The following BMP7 variants were observed in gnomAD, a reference collection of about 807,000 sequenced individuals.
BMP7 encodes osteogenic protein 1.
A neutral mutation model predicts 41.2 loss-of-function variants in BMP7; 12 were observed. The observed-to-expected ratio is 0.29, with a 90% CI of 0.19 to 0.47. BMP7 has a LOEUF of 0.47. Among genes scored for constraint, BMP7 ranks in the 20% least tolerant of loss-of-function variants. BMP7 has a pLI of 0.99. For missense variants in BMP7, 467 were observed against 606.0 expected (o/e 0.77, Z 2.41); for synonymous variants, 248 against 250.0 (o/e 0.99, Z 0.07).
At chr20:57,183,670 G>A in intron 4 of BMP7, 52 bp downstream of exon 4, 1 of 1,609,768 alleles carries the variant, frequency 6.2e-7, no homozygotes, top group Non-Finnish European at 8.5e-7. Flanking sequence ...GTCCCGCCGG[G>A]GCCCTGCTGG....
chr20:57,210,375 G>C (rs966915666), intron 2 of BMP7, among the ~76,000 whole-genome samples: 1 of 152,180 alleles, frequency 6.6e-6, no homozygotes, highest in African/African-American at 2.4e-5. Context: ...CCTTCCCCTG[G>C]AAAGTTCTAC....
intron 2 of BMP7, among the ~76,000 whole-genome samples, chr20:57,212,821 C>G (rs1984926083): frequency 6.6e-6 from 1 of 152,192 alleles, no homozygotes; most frequent in Non-Finnish European, 1.5e-5. Context: ...GCAGCCAGCT[C>G]CCGGGTCCAA....
intron 1 of BMP7, among the ~76,000 whole-genome samples, chr20:57,240,278 A>G (rs2066063782): frequency 6.6e-6 from 1 of 152,224 alleles, no homozygotes; most frequent in African/African-American, 2.4e-5. Flanking sequence ...AGGGTGGGGA[A>G]AAAATGCCGT....
intron 1 of BMP7, among the ~76,000 whole-genome samples, chr20:57,263,021 T>G (rs756711408): frequency 3.9e-5 from 6 of 152,178 alleles, no homozygotes; most frequent in Admixed American, 1.3e-4. Flanking sequence ...ACAGGCCATT[T>G]ATTTGTGTGC....
chr20:57,264,567 G>A (rs1291229776), intron 1 of BMP7, among the ~76,000 whole-genome samples: 3 of 152,182 alleles, frequency 2.0e-5, no homozygotes, highest in Non-Finnish European at 1.5e-5. Flanking sequence ...TCGCGTCGCC[G>A]GGGTCGTCGC....
At chr20:57,225,665 G>T (rs2180780) in intron 2 of BMP7, among the ~76,000 whole-genome samples, 1 of 151,980 alleles carries the variant, frequency 6.6e-6, no homozygotes, top group Admixed American at 6.5e-5. Flanking sequence ...GTTCTAGGTT[G>T]AAAAACAAAA....
chr20:57,193,174 G>T (rs1024694210), intron 3 of BMP7, among the ~76,000 whole-genome samples: 3 of 152,154 alleles, frequency 2.0e-5, no homozygotes, highest in African/African-American at 7.2e-5. Context: ...AAGCACTAGC[G>T]CGTGTACAGA....
chr20:57,170,902 C>T lies in BMP7; in HGVS notation c.*57G>A, dbSNP rs945334320. 52 of 1,602,432 alleles carry T rather than the reference C, an allele frequency of 3.2e-5. No homozygotes were observed. The highest frequency in any genetic ancestry group is 1.9e-4 in the Middle Eastern group (1 of 5,162). ...TTGGTCTGCTGGTTCCTGGCCAAGG[C>T]GAGCAATGGAGGATCCAGAAAAACT... is the stretch of plus-strand genomic sequence containing the variant. On this transcript the variant is annotated 3_prime_UTR_variant, in exon 7 of 7. Coordinates refer to ENST00000395863, the MANE Select transcript of BMP7 (RefSeq NM_001719.3).
intron 1 of BMP7, among the ~76,000 whole-genome samples, chr20:57,253,006 C>T (rs2066120313): frequency 6.6e-6 from 1 of 152,146 alleles, no homozygotes; most frequent in Admixed American, 6.5e-5. Context: ...ACCAATAGTG[C>T]CCAGGCTGAG....
chr20:57,170,333 C>G lies in BMP7; in HGVS notation c.*626G>C. 1 of 162,114 alleles carries G rather than the reference C, an allele frequency of 6.2e-6. No homozygotes were observed. The allele number at this position is 162,114 out of a possible 1,614,324, so 10.0% of individuals were successfully genotyped here. A position where few individuals can be genotyped will look rare whatever the true frequency, so the allele number is the denominator to read the frequency against. ...CACTAGATCTTGGATTTGGGCAAAC[C>G]TCGGTAAACACTGGGCCTCTGCAAG... On this transcript the variant is annotated 3_prime_UTR_variant, in exon 7 of 7. Coordinates refer to ENST00000395863, the MANE Select transcript of BMP7 (RefSeq NM_001719.3).
chr20:57,199,417 G>A (rs185863628), intron 3 of BMP7, among the ~76,000 whole-genome samples: 7 of 152,302 alleles, frequency 4.6e-5, no homozygotes, highest in South Asian at 2.1e-4. Flanking sequence ...TGGGTGCAGC[G>A]TGCACTACTT....
intron 3 of BMP7, 130 bp from the exon 4 acceptor site, chr20:57,184,049 T>A: frequency 9.2e-7 from 1 of 1,092,538 alleles, no homozygotes; most frequent in Non-Finnish European, 1.3e-6. Flanking sequence ...TAAGTATTTA[T>A]TGAGTACTCA....
chr20:57,205,092 G>C (rs1247582529), intron 2 of BMP7, among the ~76,000 whole-genome samples: 2 of 152,320 alleles, frequency 1.3e-5, no homozygotes, highest in African/African-American at 4.8e-5. Context: ...CCAGCGCCTA[G>C]ATCTTGGACT....
In BMP7 at chr20:57,215,188, C is replaced by T. The variant is rs561972903; in HGVS notation, c.612-12565G>A. 6.6e-6 allele frequency among the ~76,000 whole-genome samples: 1 copy of T among 152,196 alleles called. No individual in the cohort carries two copies. The highest frequency in any genetic ancestry group is 2.4e-5 in the African/African-American group (1 of 41,450). ...AGCCCCTGGGCACCTCCATACCCCCCACCTTCACAGGCCTGGCTATGGAAC... is the reference window on the plus strand; with the variant it reads ...AGCCCCTGGGCACCTCCATACCCCCTACCTTCACAGGCCTGGCTATGGAAC... On this transcript the variant is annotated intron_variant, in intron 2 of 6. Transcript: ENST00000395863. The surrounding 1 kb of genome is among the most constrained non-coding windows in gnomAD (Gnocchi z 4.2).
intron 2 of BMP7, among the ~76,000 whole-genome samples, chr20:57,226,603 C>T (rs1038494564): frequency 6.6e-6 from 1 of 152,180 alleles, no homozygotes; most frequent in Non-Finnish European, 1.5e-5. Flanking sequence ...AAAGGGCTGC[C>T]AAGGTTCATC....
At chr20:57,180,968 G>A (rs1224523113) in intron 4 of BMP7, among the ~76,000 whole-genome samples, 1 of 152,212 alleles carries the variant, frequency 6.6e-6, no homozygotes, top group Admixed American at 6.5e-5. Context: ...ATTTGGGGGT[G>A]GGGCTGCTGC....
At chr20:57,172,493 T>C (rs1983834656) in intron 6 of BMP7, among the ~76,000 whole-genome samples, 1 of 152,130 alleles carries the variant, frequency 6.6e-6, no homozygotes, top group Non-Finnish European at 1.5e-5. Context: ...GGTAGTGAGC[T>C]CTCTGTCACT....
chr20:57,230,982 C>T (rs551364664), intron 1 of BMP7, among the ~76,000 whole-genome samples: 2 of 152,216 alleles, frequency 1.3e-5, no homozygotes, highest in South Asian at 4.1e-4. Context: ...TGGCCGTTTG[C>T]CAGAACTTTT....
chr20:57,225,926 C>T (rs776858175), intron 2 of BMP7: 34 of 471,140 alleles, frequency 7.2e-5, no homozygotes, highest in Non-Finnish European at 1.3e-4. Context: ...TCGTTCTGGT[C>T]GATGCCCTCA....
Sources: gnomAD v4.1 joint callset for allele counts (sites outside exome capture counted in the v4.1 genomes callset) on GRCh38, gnomAD v4.1.1 for gene constraint, Gnocchi (gnomAD v3.1) non-coding constraint, MANE v1.5 for transcripts, NCBI Gene and HGNC (gene_info 2026-07-23, HGNC 2026-07-21) for gene names.